PITRM1: variants seen among roughly 807,000 people sequenced by gnomAD.
The protein encoded by PITRM1 is presequence protease, mitochondrial.
Under a neutral mutation model 129.9 loss-of-function variants are expected in PITRM1, and 100 were observed. The ratio of observed to expected loss-of-function variants is 0.77; its 90% CI spans 0.65 to 0.91. The LOEUF (loss-of-function observed/expected upper bound fraction) is 0.91. Among genes scored for constraint, PITRM1 ranks in the 40% least tolerant of loss-of-function variants. The probability of loss-of-function intolerance (pLI) is 0.00; values close to 1 mark genes in which losing one functional copy is unlikely to be tolerated. For missense variants in PITRM1, 1,471 were observed against 1,318.3 expected, an observed-to-expected ratio of 1.12 and a Z score of -1.79; for synonymous variants, 591 against 508.8, an observed-to-expected ratio of 1.16 and a Z score of -2.17.
chr10:3,139,022 C>G lies in PITRM1; in HGVS notation c.2799G>C (p.Gln933His), dbSNP rs772323866. The change falls in exon 25 of 27, where the codon CAG becomes CAC. Residue 933 changes from glutamine (Q) to histidine (H), a missense_variant. Physicochemically the swap from Gln to His is conservative, Grantham distance 24. Coordinates refer to ENST00000224949, the MANE Select transcript of PITRM1 (RefSeq NM_014889.4). ...YRDPNTIETL[Q>H]SFGKAVDWAK... is the part of the protein sequence containing the mutation. ...CCCAGTCGACAGCCTTCCCAAAAGA[C>G]TGGAGCGTCTCTATTGTATTTGGGT... 2.1e-5 allele frequency: 34 copies of G among 1,613,878 alleles called. No homozygotes were observed. Among genetic ancestry groups the G allele is most frequent in the African/African-American group, 4.0e-5 (3 of 74,922 alleles).
At chr10:3,160,581 G>A (rs757029858) in intron 7 of PITRM1, among the ~76,000 whole-genome samples, 2 of 151,898 alleles carry the variant, frequency 1.3e-5, no homozygotes, top group African/African-American at 4.8e-5. Flanking sequence ...TTAACCTCTC[G>A]CTGTGCCTAA....
intron 1 of PITRM1, among the ~76,000 whole-genome samples, chr10:3,170,476 T>G (rs1457764849): frequency 1.3e-5 from 2 of 152,202 alleles, no homozygotes; most frequent in Non-Finnish European, 2.9e-5. Flanking sequence ...ACAGTTTAAA[T>G]TCCCCTTGTT....
At position 3,144,317 on chromosome 10, in the gene PITRM1, G is replaced by T; in HGVS notation, c.2507C>A (p.Ser836Tyr). The change falls in exon 22 of 27, where the codon TCC becomes TAC. Residue 836 changes from serine to tyrosine, a missense_variant. By Grantham distance (144) the Ser-to-Tyr change is moderately radical. Transcript: ENST00000224949. ...CATGACCAGCTTCCTAATGACCTGG[G>T]AGCCATGGGGAACGTGGGCATCTCC... ...SGGDAHVPHGSQVIRKLVMEP... is the reference protein window; with the variant it reads ...SGGDAHVPHGYQVIRKLVMEP... The T allele has an allele frequency of 6.4e-7, 1 of 1,561,806 alleles. No individual in the cohort carries two copies. The highest frequency in any genetic ancestry group is 8.7e-7 in the Non-Finnish European group (1 of 1,151,648).
intron 3 of PITRM1, 57 bp from the exon 4 acceptor site, chr10:3,166,437 T>C (rs150812383): frequency 2.4e-5 from 17 of 720,932 alleles, no homozygotes; most frequent in Non-Finnish European, 3.2e-5. Flanking sequence ...GCGGACACAG[T>C]TCCCAGATGC....
rs199806295 is a variant in PITRM1 at position 3,138,249 on chromosome 10, C to T, written c.3006G>A (p.Leu1002=). 1,369 of 1,613,242 alleles carry T rather than the reference C, an allele frequency of 8.5e-4. 1 individual carries two copies. Among genetic ancestry groups the T allele is most frequent in the Non-Finnish European group, 1.1e-3 (1,275 of 1,179,218 alleles). Reference sequence around the variant, plus strand: ...TCCCCACTCACCTATCGCTCACGGCCAGGAGCTTGTCGTGGCTGACAGCAA... The same window carrying T: ...TCCCCACTCACCTATCGCTCACGGCTAGGAGCTTGTCGTGGCTGACAGCAA... ...QLFAVSHDKL[L]AVSDRYLGTG... Residue 1002 remains leucine, a synonymous_variant, in exon 26 of 27, where the codon CTG becomes CTA. Coordinates refer to ENST00000224949, the MANE Select transcript of PITRM1 (RefSeq NM_014889.4).
At chr10:3,160,486 T>C (rs1564423710) in intron 7 of PITRM1, among the ~76,000 whole-genome samples, 156 bp from the exon 8 acceptor site, 1 of 152,208 alleles carries the variant, frequency 6.6e-6, no homozygotes, top group Non-Finnish European at 1.5e-5. Flanking sequence ...TCCAAAAATA[T>C]CACGGTACTT....
At chr10:3,162,552 C>G (rs1232700532) in intron 7 of PITRM1, among the ~76,000 whole-genome samples, 1 of 152,206 alleles carries the variant, frequency 6.6e-6, no homozygotes, top group Admixed American at 6.5e-5. Flanking sequence ...TGACTCTCAG[C>G]ATGGACCCCG....
At chr10:3,155,816 C>G in intron 13 of PITRM1, 87 bp from the exon 14 acceptor site, 2 of 1,476,998 alleles carry the variant, frequency 1.4e-6, no homozygotes, top group Non-Finnish European at 1.8e-6. Context: ...CTGGTGTGTT[C>G]TTGGTCCTGT....
intron 2 of PITRM1, 124 bp downstream of exon 2, chr10:3,169,980 G>T: frequency 1.6e-6 from 1 of 635,346 alleles, no homozygotes; most frequent in East Asian, 2.8e-5. Context: ...CAGGAGCTGG[G>T]CCAGGGCCTT....
chr10:3,145,994 TAC>T, intron 20 of PITRM1: 1 of 405,028 alleles, frequency 2.5e-6, no homozygotes, highest in Middle Eastern at 7.3e-4. Flanking sequence ...GCAAAGAAAA[TAC>T]AGAGACTATT....
Position 3,163,736 on chromosome 10 carries a change from T to A in PITRM1, c.780A>T (p.Pro260=). 6.2e-7 allele frequency: 1 copy of A among 1,606,128 alleles called. No individual in the cohort carries two copies. The highest frequency in any genetic ancestry group is 8.5e-7 in the Non-Finnish European group (1 of 1,176,904). The change falls in exon 7 of 27, where the codon CCA becomes CCT. Residue 260 remains proline (P), a synonymous_variant. Transcript: ENST00000224949. ...CAACAAAATATTACCTAGCATTGCT[T>A]GGGTGATAGTGAGTGGCATGAAACT... ...LKQFHATHYH[P]SNARFFTYGN...
At position 3,144,349 on chromosome 10, in the gene PITRM1, G is replaced by C; in HGVS notation, c.2475C>G (p.Ser825Arg). 1.3e-6 allele frequency: 2 copies of C among 1,558,714 alleles called. No individual in the cohort carries two copies. The highest frequency in any genetic ancestry group is 1.7e-6 in the Non-Finnish European group (2 of 1,149,590). ...GGGGAACGTGGGCATCTCCACCAGA[G>C]CTGCTGGGCACAGGTTTCTGAAAAT... Reference protein sequence around the residue: ...PHTVEKPVPSSSGGDAHVPHG... With the variant: ...PHTVEKPVPSRSGGDAHVPHG... The change falls in exon 22 of 27, where the codon AGC becomes AGG. Residue 825 changes from serine (S) to arginine (R), a missense_variant. Coordinates refer to ENST00000224949, the MANE Select transcript of PITRM1 (RefSeq NM_014889.4).
At chr10:3,160,636 G>C (rs988647469) in intron 7 of PITRM1, among the ~76,000 whole-genome samples, 5 of 152,136 alleles carry the variant, frequency 3.3e-5, no homozygotes, top group Non-Finnish European at 7.3e-5. Context: ...GCTATTCCTG[G>C]CTTCAGGCAT....
rs765554466 is a variant in PITRM1, at chr10:3,157,457, C to G, written c.1325G>C (p.Ser442Thr). ...IEIQMKHQST[S>T]FGLMLTSYIA... ...TACTGATGTCAGCATCAGCCCAAAG[C>G]TGGTAGACTGATGTTTCATCTGTAT... The change falls in exon 12 of 27, where the codon AGC becomes ACC. Residue 442 changes from serine (S) to threonine (T), a missense_variant. By Grantham distance (58) the Ser-to-Thr change is moderately conservative. Coordinates refer to ENST00000224949, the MANE Select transcript of PITRM1 (RefSeq NM_014889.4). 111 of 1,609,186 alleles carry G rather than the reference C, an allele frequency of 6.9e-5. No individual in the cohort carries two copies. The highest frequency in any genetic ancestry group is 9.3e-5 in the Non-Finnish European group (110 of 1,176,984).
chr10:3,161,855 A>AGG (rs1842466235), intron 7 of PITRM1, among the ~76,000 whole-genome samples: 1 of 140,296 alleles, frequency 7.1e-6, no homozygotes, highest in African/African-American at 2.5e-5. Context: ...ACTGGGGAAA[A>AGG]AAAAAAAAAA....
Position 3,158,135 on chromosome 10 carries a change from C to T in PITRM1, c.1155G>A (p.Arg385=). The T allele has an allele frequency of 6.3e-7, 1 of 1,597,580 alleles. No homozygotes were observed. The highest frequency in any genetic ancestry group is 8.6e-7 in the Non-Finnish European group (1 of 1,167,446). Residue 385 remains arginine, a synonymous_variant, in exon 11 of 27, where the codon AGG becomes AGA. Coordinates refer to ENST00000224949, the MANE Select transcript of PITRM1 (RefSeq NM_014889.4). ...SPDVGYNGYT[R]EAYFSVGLQG... ...GGAGGCCGACACTAAAGTAGGCCTCCCTCGTGTAGCCATTATATCTAGAAG... is the reference window on the plus strand; with the variant it reads ...GGAGGCCGACACTAAAGTAGGCCTCTCTCGTGTAGCCATTATATCTAGAAG...
At position 3,172,745 on chromosome 10, in the gene PITRM1, G is replaced by A. The variant is rs572092794; in HGVS notation, c.28C>T (p.Leu10=). ...CCGCTCAGCCGCCTCAGCACACACA[G>A]GCCCTGCCGCCCGCCGCAGCGCCAC... is the stretch of plus-strand genomic sequence containing the variant. MWRCGGRQG[L]CVLRRLSGGH... is the part of the protein sequence containing the mutation. The change falls in exon 1 of 27, where the codon CTG becomes TTG. Residue 10 remains leucine (L), a synonymous_variant. Coordinates refer to ENST00000224949, the MANE Select transcript of PITRM1 (RefSeq NM_014889.4). 1,046 of 1,545,804 alleles carry A rather than the reference G, an allele frequency of 6.8e-4. 5 individuals carry two copies. The highest frequency in any genetic ancestry group is 4.0e-3 in the Middle Eastern group (24 of 5,980).
chr10:3,158,362 G>T (rs1842147118), intron 10 of PITRM1, among the ~76,000 whole-genome samples: 1 of 152,070 alleles, frequency 6.6e-6, no homozygotes, highest in Non-Finnish European at 1.5e-5. Flanking sequence ...TTAAACTTTT[G>T]AGTTATGGCA....
chr10:3,159,634 C>G (rs1842274741), intron 9 of PITRM1, among the ~76,000 whole-genome samples: 1 of 152,184 alleles, frequency 6.6e-6, no homozygotes, highest in South Asian at 2.1e-4. Context: ...TACTTTTCTT[C>G]CGGAGGGCTA....
Sources: gnomAD v4.1 joint callset for allele counts (sites outside exome capture counted in the v4.1 genomes callset) on GRCh38, gnomAD v4.1.1 for gene constraint, MANE v1.5 for transcripts, NCBI Gene and HGNC (gene_info 2026-07-23, HGNC 2026-07-21) for gene names.